CLTCL1: variants seen among roughly 807,000 people sequenced by gnomAD.
The protein encoded by CLTCL1 is clathrin heavy chain 2.
Under a neutral mutation model 190.0 loss-of-function variants are expected in CLTCL1, and 159 were observed. The observed-to-expected ratio is 0.84, with a 90% CI of 0.74 to 0.95. CLTCL1 has a LOEUF of 0.95. Among genes scored for constraint, CLTCL1 ranks in the 40% least tolerant of loss-of-function variants. The pLI, the probability that CLTCL1 is intolerant of heterozygous loss-of-function variation, is 0.00. For synonymous variants in CLTCL1, 752 were observed against 769.6 expected, an observed-to-expected ratio of 0.98 and a Z score of 0.38; for missense variants, 1,878 against 2,033.4, an observed-to-expected ratio of 0.92 and a Z score of 1.47.
chr22:19,221,670 A>G, intron 16 of CLTCL1, 59 bp from the exon 17 acceptor site: 1 of 1,404,886 alleles, frequency 7.1e-7, no homozygotes. Flanking sequence ...TCTTGAGGGC[A>G]ACTCCAGGGC....
At chr22:19,241,944 T>C (rs1167829299) in intron 4 of CLTCL1, among the ~76,000 whole-genome samples, 3 of 149,440 alleles carry the variant, frequency 2.0e-5, no homozygotes, top group East Asian at 1.9e-4. Context: ...CATCTACCTT[T>C]TTTTTTTTTT....
rs59105358 is a variant in CLTCL1, at chr22:19,200,007, A to AG, written c.3766-167dup. 9.4e-3 allele frequency among the ~76,000 whole-genome samples: 1,431 copies of AG among 152,322 alleles called. 34 individuals carry two copies. Among genetic ancestry groups the AG allele is most frequent in the East Asian group, 0.069 (355 of 5,182 alleles). ...CTATGATGAATTGTACAAGACTGGG[A>AG]GAAAAAATATGACATTTGTAATCTG... On this transcript the variant is annotated intron_variant, in intron 23 of 32. Transcript: ENST00000427926.
At chr22:19,192,799 C>T (rs952024571) in intron 26 of CLTCL1, among the ~76,000 whole-genome samples, 7 of 152,326 alleles carry the variant, frequency 4.6e-5, no homozygotes, top group South Asian at 2.1e-4. Context: ...CAGAGCAAAA[C>T]GGTGAACTGG....
At chr22:19,245,911 T>C (rs2086403807) in intron 3 of CLTCL1, among the ~76,000 whole-genome samples, 1 of 152,214 alleles carries the variant, frequency 6.6e-6, no homozygotes, top group Admixed American at 6.5e-5. Context: ...CATTTGCTGG[T>C]GAACATTTGG....
intron 24 of CLTCL1, among the ~76,000 whole-genome samples, chr22:19,196,947 G>A (rs558060766): frequency 3.5e-4 from 54 of 152,272 alleles, no homozygotes; most frequent in Non-Finnish European, 5.9e-4. Flanking sequence ...AAAATAGGAA[G>A]TGGGTGGTAA....
chr22:19,258,285 G>T, intron 2 of CLTCL1: 2 of 365,098 alleles, frequency 5.5e-6, no homozygotes, highest in South Asian at 4.6e-5. Context: ...GGCCCAATAT[G>T]ACAAGCTGAC....
chr22:19,279,171 C>T (rs536182419), intron 1 of CLTCL1, among the ~76,000 whole-genome samples: 10 of 152,204 alleles, frequency 6.6e-5, no homozygotes, highest in South Asian at 2.1e-4. Flanking sequence ...AGTCTCGCTG[C>T]GACGCCCATC....
At chr22:19,275,919 AT>A in intron 1 of CLTCL1, 89 bp from the exon 2 acceptor site, 1 of 1,197,490 alleles carries the variant, frequency 8.4e-7, no homozygotes, top group Non-Finnish European at 1.2e-6. Context: ...GTTAAATAAA[AT>A]TTAGAAAAAA....
intron 19 of CLTCL1, among the ~76,000 whole-genome samples, chr22:19,210,730 G>A (rs1555946259): frequency 6.6e-6 from 1 of 152,186 alleles, no homozygotes; most frequent in Admixed American, 6.5e-5. Context: ...AAGAGAATCA[G>A]AATGTGCCAA....
chr22:19,242,794 C>G lies in CLTCL1; in HGVS notation c.662G>C (p.Arg221Pro). ...KPATLFCFAV[R>P]NPTGGKLHII... is the part of the protein sequence containing the mutation. ...TCTTACCTTGCCTCCTGTGGGATTA[C>G]GTACAGCAAAGCAGAAAAGGGTGGC... Residue 221 changes from arginine to proline, a missense_variant, in exon 4 of 33, where the codon CGT (arginine) becomes CCT (proline). Coordinates refer to ENST00000427926, the MANE Select transcript of CLTCL1 (RefSeq NM_007098.4). 1 of 1,613,884 alleles carries G rather than the reference C, an allele frequency of 6.2e-7. No individual in the cohort carries two copies. The highest frequency in any genetic ancestry group is 8.5e-7 in the Non-Finnish European group (1 of 1,179,882).
At chr22:19,270,773 T>A (rs1362886679) in intron 2 of CLTCL1, among the ~76,000 whole-genome samples, 1 of 141,522 alleles carries the variant, frequency 7.1e-6, no homozygotes, top group Non-Finnish European at 1.6e-5. Context: ...GGTATGTAAA[T>A]TATACTTGAA....
intron 5 of CLTCL1, among the ~76,000 whole-genome samples, chr22:19,236,126 T>C (rs2086075680): frequency 6.6e-6 from 1 of 152,170 alleles, no homozygotes; most frequent in Non-Finnish European, 1.5e-5. Context: ...CACCTAGCTA[T>C]ACAAGGATTC....
At chr22:19,273,604 A>G (rs1295090742) in intron 2 of CLTCL1, among the ~76,000 whole-genome samples, 1 of 152,090 alleles carries the variant, frequency 6.6e-6, no homozygotes, top group Admixed American at 6.6e-5. Flanking sequence ...TGCGCAACTC[A>G]CAAAATACCA....
rs1289089489 is a variant in CLTCL1, at chr22:19,179,850, G to A, written c.*140C>T. ...CCTTGGAGAAGTTAGTAACTCTGCAGGTAGGGTGGGTGGTGACAACGCCCA... is the reference window on the plus strand; with the variant it reads ...CCTTGGAGAAGTTAGTAACTCTGCAAGTAGGGTGGGTGGTGACAACGCCCA... On this transcript the variant is annotated 3_prime_UTR_variant, in exon 33 of 33. Transcript: ENST00000427926. The A allele has an allele frequency of 3.0e-6, 1 of 334,770 alleles. No individual in the cohort carries two copies. Among genetic ancestry groups the A allele is most frequent in the Non-Finnish European group, 5.6e-6 (1 of 179,160 alleles). The allele number at this position is 334,770 out of a possible 1,614,324, so 20.7% of individuals were successfully genotyped here.
At chr22:19,278,040 T>G (rs1312727292) in intron 1 of CLTCL1, among the ~76,000 whole-genome samples, 9 of 152,132 alleles carry the variant, frequency 5.9e-5, no homozygotes, top group Admixed American at 1.3e-4. Flanking sequence ...CAAAGGATAC[T>G]GATGAACCGC....
intron 1 of CLTCL1, among the ~76,000 whole-genome samples, chr22:19,281,795 A>AATTT (rs573601430): frequency 5.3e-5 from 8 of 152,198 alleles, no homozygotes; most frequent in Non-Finnish European, 1.0e-4. Context: ...AATCCTGAAT[A>AATTT]ATTTGTATCC....
At chr22:19,206,535 G>A (rs2085055545) in intron 22 of CLTCL1, among the ~76,000 whole-genome samples, 1 of 152,000 alleles carries the variant, frequency 6.6e-6, no homozygotes, top group Non-Finnish European at 1.5e-5. Flanking sequence ...GAGCCACCGT[G>A]CCCAGCCCCA....
At chr22:19,255,419 C>T (rs985263803) in intron 2 of CLTCL1, among the ~76,000 whole-genome samples, 10 of 151,814 alleles carry the variant, frequency 6.6e-5, no homozygotes, top group Non-Finnish European at 8.8e-5. Flanking sequence ...AAAAATTAGC[C>T]GGGCTTGGTG....
At chr22:19,182,695 T>C (rs2084179722) in intron 30 of CLTCL1, 1 of 152,198 alleles carries the variant, frequency 6.6e-6, no homozygotes, top group Non-Finnish European at 1.5e-5. Flanking sequence ...TCCGAGGCTC[T>C]CCATCTGGCT....
Sources: gnomAD v4.1 joint callset for allele counts (sites outside exome capture counted in the v4.1 genomes callset) on GRCh38, gnomAD v4.1.1 for gene constraint, MANE v1.5 for transcripts, NCBI Gene and HGNC (gene_info 2026-07-23, HGNC 2026-07-21) for gene names.